UBIAD1: variants seen among roughly 807,000 people sequenced by gnomAD.
The protein encoded by UBIAD1 is ubiA prenyltransferase domain-containing protein 1.
UBIAD1 carries 12 observed loss-of-function variants against 20.1 expected under a neutral mutation model. The ratio of observed to expected loss-of-function variants is 0.60; its 90% confidence interval spans 0.38 to 0.97. UBIAD1 has a LOEUF of 0.97. Ranked by LOEUF, UBIAD1 falls within the 50% of genes least tolerant of loss-of-function variation. The probability of loss-of-function intolerance (pLI) is 0.00; values close to 1 mark genes in which losing one functional copy is unlikely to be tolerated. For synonymous variants in UBIAD1, 207 were observed against 189.2 expected (o/e 1.09, Z -0.77); for missense variants, 333 against 419.5 (o/e 0.79, Z 1.80).
At chr1:11,288,782 C>T (rs529664691), downstream of UBIAD1, among the ~76,000 whole-genome samples, 3 of 152,218 alleles carry the variant, frequency 2.0e-5, no homozygotes, top group Admixed American at 1.3e-4. Flanking sequence ...CGTGGTGGTG[C>T]ATGCCTGTAG....
chr1:11,286,205 A>C lies in UBIAD1; in HGVS notation c.*74A>C, dbSNP rs1313290881. The C allele has an allele frequency of 6.2e-7, 1 of 1,602,010 alleles. No individual in the cohort carries two copies. The highest frequency in any genetic ancestry group is 1.7e-5 in the Admixed American group (1 of 59,798). ...TTAAAGTCAGAGTCTCTGAGGAAGG[A>C]ATGTGATTTGGCAGTCAGGGTACTA... On this transcript the variant is annotated 3_prime_UTR_variant, in exon 2 of 2. Transcript: ENST00000376810.
chr1:11,299,464 A>C (rs1485006773), downstream of UBIAD1, among the ~76,000 whole-genome samples: 1 of 152,196 alleles, frequency 6.6e-6, no homozygotes, highest in Non-Finnish European at 1.5e-5. Flanking sequence ...TTTGGTTAAC[A>C]GTCTTTTTCA....
At chr1:11,292,342 G>A (rs1449442637), downstream of UBIAD1, among the ~76,000 whole-genome samples, 1 of 152,154 alleles carries the variant, frequency 6.6e-6, no homozygotes, top group East Asian at 1.9e-4. Context: ...AGGAATCAGC[G>A]AGGGGGATGT....
At chr1:11,299,512 C>T (rs59431360), downstream of UBIAD1, among the ~76,000 whole-genome samples, 5,532 of 152,282 alleles carry the variant, frequency 0.036, 338 homozygotes, top group African/African-American at 0.13. Flanking sequence ...GGGAGCAAAG[C>T]GTGATCGGTT....
At chr1:11,289,687 C>T (rs1199195535), downstream of UBIAD1, among the ~76,000 whole-genome samples, 1 of 151,626 alleles carries the variant, frequency 6.6e-6, no homozygotes. Context: ...CCTCAGCCTC[C>T]CCAGTAGCTG....
In UBIAD1 at chr1:11,285,492, C is replaced by A; in HGVS notation, c.530-152C>A. The A allele has an allele frequency of 8.5e-7, 1 of 1,183,392 alleles. No individual in the cohort carries two copies. The allele number at this position is 1,183,392 out of a possible 1,614,324, so 73.3% of individuals were successfully genotyped here. On this transcript the variant is annotated intron_variant, in intron 1 of 1. Transcript: ENST00000376810. The surrounding 1 kb of genome is among the most constrained non-coding windows in gnomAD (Gnocchi z 4.4). ...GCATTGGAGAAGAAATCAGAATTTG[C>A]TCTGTGGGGTTAAGGGATGAAATGA...
downstream of UBIAD1, among the ~76,000 whole-genome samples, chr1:11,297,240 G>A (rs1483757867): frequency 2.0e-5 from 3 of 152,158 alleles, no homozygotes; most frequent in Non-Finnish European, 4.4e-5. Context: ...ATTAGGTCAC[G>A]AGAGTAGAGT....
chr1:11,297,609 C>T (rs762543783), downstream of UBIAD1, among the ~76,000 whole-genome samples: 11 of 152,176 alleles, frequency 7.2e-5, no homozygotes, highest in Non-Finnish European at 1.5e-4. Context: ...AGAGCCAAGC[C>T]TGGCTGTGCT....
chr1:11,277,740 G>A (rs1225761866), intron 1 of UBIAD1, among the ~76,000 whole-genome samples: 1 of 152,042 alleles, frequency 6.6e-6, no homozygotes, highest in Non-Finnish European at 1.5e-5. Flanking sequence ...CTCCACCTCC[G>A]GGGTTCAAGC....
Position 11,273,729 on chromosome 1 carries a change from C to A in UBIAD1, c.198C>A (p.Ala66=). The A allele has an allele frequency of 6.2e-7, 1 of 1,614,116 alleles. No individual in the cohort carries two copies. The highest frequency in any genetic ancestry group is 8.5e-7 in the Non-Finnish European group (1 of 1,180,016). Residue 66 remains alanine, a synonymous_variant, in exon 1 of 2, where the codon GCC becomes GCA. Coordinates refer to ENST00000376810, the MANE Select transcript of UBIAD1 (RefSeq NM_013319.3). This position sits in a 1 kb window ranked among gnomAD's most constrained non-coding sequence, Gnocchi z 4.9. ...WSFSASLTPV[A]LGSALAYRSH... Reference sequence around the variant, plus strand: ...TCAGTGCCTCACTCACACCGGTGGCCCTGGGCAGTGCCCTTGCCTACAGAT... The same window carrying A: ...TCAGTGCCTCACTCACACCGGTGGCACTGGGCAGTGCCCTTGCCTACAGAT...
At chr1:11,282,869 T>A (rs1652289326) in intron 1 of UBIAD1, among the ~76,000 whole-genome samples, 2 of 151,172 alleles carry the variant, frequency 1.3e-5, no homozygotes, top group African/African-American at 4.9e-5. Flanking sequence ...CCTGGCCTTT[T>A]TTTTTCTTGA....
chr1:11,295,194 G>A (rs984161366), downstream of UBIAD1: 7 of 427,742 alleles, frequency 1.6e-5, no homozygotes, highest in Non-Finnish European at 2.6e-5. Flanking sequence ...CTGGGTATCA[G>A]GAAGGCTTCC....
intron 1 of UBIAD1, among the ~76,000 whole-genome samples, chr1:11,280,762 GATC>G (rs1392640059): frequency 6.6e-6 from 1 of 152,124 alleles, no homozygotes; most frequent in East Asian, 1.9e-4. Flanking sequence ...CCACCACTGT[GATC>G]ATCTGTCCCT....
At chr1:11,290,835 C>T (rs1638356024), downstream of UBIAD1, among the ~76,000 whole-genome samples, 1 of 150,028 alleles carries the variant, frequency 6.7e-6, no homozygotes, top group African/African-American at 2.5e-5. Flanking sequence ...CAAAAATTAG[C>T]ACCTGTAATC....
chr1:11,290,256 G>T (rs988390548), downstream of UBIAD1, among the ~76,000 whole-genome samples: 3 of 152,190 alleles, frequency 2.0e-5, no homozygotes, highest in Non-Finnish European at 4.4e-5. Flanking sequence ...CCTCCCAAAT[G>T]TCTGGGATCA....
At chr1:11,279,317 A>T (rs79089220) in intron 1 of UBIAD1, 3,251 of 214,894 alleles carry the variant, frequency 0.015, 52 homozygotes, top group South Asian at 0.043. Flanking sequence ...TTGACCTGAG[A>T]ACTGGAAGAT....
chr1:11,277,152 G>A (rs936343728), intron 1 of UBIAD1, among the ~76,000 whole-genome samples: 1 of 151,960 alleles, frequency 6.6e-6, no homozygotes, highest in Non-Finnish European at 1.5e-5. Flanking sequence ...TAGGAGAATC[G>A]CTTGAACCTG....
chr1:11,289,751 A>T (rs999609616), downstream of UBIAD1, among the ~76,000 whole-genome samples: 1 of 150,276 alleles, frequency 6.7e-6, no homozygotes, highest in African/African-American at 2.5e-5. Context: ...TATATGTTTT[A>T]TATATATCTC....
At chr1:11,298,503 G>C (rs148052575), downstream of UBIAD1, among the ~76,000 whole-genome samples, 1,195 of 152,058 alleles carry the variant, frequency 7.9e-3, 23 homozygotes, top group African/African-American at 0.026. This position sits in a 1 kb window ranked among gnomAD's most constrained non-coding sequence, Gnocchi z 4.0. Flanking sequence ...GGAGGTGGAG[G>C]TTGCAGTGAG....
Sources: gnomAD v4.1 joint callset for allele counts (sites outside exome capture counted in the v4.1 genomes callset) on GRCh38, gnomAD v4.1.1 for gene constraint, Gnocchi (gnomAD v3.1) non-coding constraint, MANE v1.5 for transcripts, NCBI Gene and HGNC (gene_info 2026-07-23, HGNC 2026-07-21) for gene names.